The following BCL11B variants were observed in gnomAD, a reference collection of about 807,000 sequenced individuals.
BCL11B encodes the protein B-cell lymphoma/leukemia 11B.
BCL11B carries 8 observed loss-of-function variants against 49.9 expected under a neutral mutation model. The observed-to-expected ratio is 0.16, with a 90% CI of 0.09 to 0.29. The LOEUF (loss-of-function observed/expected upper bound fraction) is 0.29, where lower values mean the gene tolerates loss of function less well. Ranked by LOEUF, BCL11B falls within the 10% of genes least tolerant of loss-of-function variation. The pLI is 1.00. For missense variants in BCL11B, 1,006 were observed against 1,351.0 expected, an observed-to-expected ratio of 0.74 and a Z score of 4.00; for synonymous variants, 739 against 637.4, an observed-to-expected ratio of 1.16 and a Z score of -2.40.
rs1465585736 is a variant in BCL11B at position 99,195,846 on chromosome 14, G to A, written c.641-19651C>T. On this transcript the variant is annotated intron_variant, in intron 3 of 3. Coordinates refer to ENST00000357195, the MANE Select transcript of BCL11B (RefSeq NM_138576.4). This position sits in a 1 kb window ranked among gnomAD's most constrained non-coding sequence, Gnocchi z 4.7. ...ACACCTGCTAGACTGAGCTGACACA[G>A]CCCTCCTGCCTGCTGCCCAGAAGAG... Among the ~76,000 whole-genome samples the A allele has an allele frequency of 6.6e-6, 1 of 152,138 alleles. No homozygotes were observed. The highest frequency in any genetic ancestry group is 2.4e-5 in the African/African-American group (1 of 41,436).
chr14:99,176,226 A>C (rs1044044248), intron 3 of BCL11B, 31 bp from the exon 4 acceptor site: 1 of 1,598,954 alleles, frequency 6.3e-7, no homozygotes, highest in Admixed American at 1.7e-5. Context: ...AAAGGCAGAG[A>C]CAGCGTGAGA....
chr14:99,175,898 G>A lies in BCL11B; in HGVS notation c.938C>T (p.Thr313Met), dbSNP rs768709705. 3 of 1,456,230 alleles carry A rather than the reference G, an allele frequency of 2.1e-6. No individual in the cohort carries two copies. The highest frequency in any genetic ancestry group is 1.5e-5 in the African/African-American group (1 of 67,128). The allele number at this position is 1,456,230 out of a possible 1,614,324, so 90.2% of individuals were successfully genotyped here. A position where few individuals can be genotyped will look rare whatever the true frequency, so the allele number is the denominator to read the frequency against. ...CGGCGGGGGACTGAAGAGAGGCGGC[G>A]TGCCCGGCAGGCGGCCCTCGCCGAA... Reference protein sequence around the residue: ...PGFGEGRLPGTPPLFSPPPRH... With the variant: ...PGFGEGRLPGMPPLFSPPPRH... The change falls in exon 4 of 4, where the codon ACG (threonine) becomes ATG (methionine). Residue 313 changes from threonine (T) to methionine (M), a missense_variant. Coordinates refer to ENST00000357195, the MANE Select transcript of BCL11B (RefSeq NM_138576.4).
At chr14:99,199,687 C>CGCGCGCGT in intron 3 of BCL11B, among the ~76,000 whole-genome samples, 1 of 58,890 alleles carries the variant, frequency 1.7e-5, no homozygotes, top group African/African-American at 4.6e-5. Context: ...TGTGTGTGCG[C>CGCGCGCGT]GCGCGCGCGC....
intron 3 of BCL11B, among the ~76,000 whole-genome samples, chr14:99,203,869 T>C (rs1887456835): frequency 6.6e-6 from 1 of 151,990 alleles, no homozygotes; most frequent in East Asian, 1.9e-4. Context: ...CACCTCCCTC[T>C]CGTGGCCTAG....
chr14:99,190,734 T>C (rs928512771), intron 3 of BCL11B, among the ~76,000 whole-genome samples: 1 of 152,342 alleles, frequency 6.6e-6, no homozygotes, highest in Admixed American at 6.5e-5. Context: ...ATCAGTAAGC[T>C]AATTCTAGAA....
chr14:99,220,564 G>A (rs1887977670), intron 3 of BCL11B, among the ~76,000 whole-genome samples: 1 of 152,210 alleles, frequency 6.6e-6, no homozygotes, highest in African/African-American at 2.4e-5. Context: ...AACGGAGAAT[G>A]GGGGGCTGGG....
At position 99,231,933 on chromosome 14, in the gene BCL11B, GT is replaced by G. The variant is rs1465133229; in HGVS notation, c.428-377del. On this transcript the variant is annotated intron_variant, in intron 2 of 3. Transcript: ENST00000357195. The surrounding 1 kb of genome is among the most constrained non-coding windows in gnomAD (Gnocchi z 8.1). ...TCAAATAGGTTCCATTTGGGGATTT[GT>G]TTCCAAAACTTCGGGCTACCCCTCC... Among the ~76,000 whole-genome samples the G allele has an allele frequency of 6.6e-5, 10 of 152,042 alleles. No individual in the cohort carries two copies. Among genetic ancestry groups the G allele is most frequent in the Admixed American group, 6.5e-4 (10 of 15,290 alleles).
rs570939892 is a variant in BCL11B at position 99,248,603 on chromosome 14, C to G, written c.427+8868G>C. Among the ~76,000 whole-genome samples the G allele has an allele frequency of 5.3e-5, 8 of 152,350 alleles. No individual in the cohort carries two copies. Among genetic ancestry groups the G allele is most frequent in the Admixed American group, 5.2e-4 (8 of 15,310 alleles). On this transcript the variant is annotated intron_variant, in intron 2 of 3. Coordinates refer to ENST00000357195, the MANE Select transcript of BCL11B (RefSeq NM_138576.4). This position sits in a 1 kb window ranked among gnomAD's most constrained non-coding sequence, Gnocchi z 4.7. Reference sequence around the variant, plus strand: ...TACCTCACGGTGAGTGGACCAAATTCTCCCATAAGGATCTTCACAGCCTGG... The same window carrying G: ...TACCTCACGGTGAGTGGACCAAATTGTCCCATAAGGATCTTCACAGCCTGG...
chr14:99,171,862 A>G lies in BCL11B; in HGVS notation c.*2289T>C, dbSNP rs983126551. 4.9e-6 allele frequency: 1 copy of G among 204,434 alleles called. No individual in the cohort carries two copies. Among genetic ancestry groups the G allele is most frequent in the Non-Finnish European group, 1.0e-5 (1 of 99,752 alleles). The allele number at this position is 204,434 out of a possible 1,614,324, so 12.7% of individuals were successfully genotyped here. ...ACATTTTCAAGGAAAAGAAAAGGGT[A>G]TTTTTTTTCTTGTTTTGTAAAATGC... On this transcript the variant is annotated 3_prime_UTR_variant, in exon 4 of 4. Coordinates refer to ENST00000357195, the MANE Select transcript of BCL11B (RefSeq NM_138576.4).
intron 3 of BCL11B, among the ~76,000 whole-genome samples, chr14:99,220,829 G>C (rs2139865203): frequency 6.6e-6 from 1 of 152,210 alleles, no homozygotes; most frequent in South Asian, 2.1e-4. Context: ...GTGGACCCTT[G>C]ATCAATGGTA....
chr14:99,260,484 G>A (rs1223874001), intron 1 of BCL11B, among the ~76,000 whole-genome samples: 1 of 152,022 alleles, frequency 6.6e-6, no homozygotes, highest in African/African-American at 2.4e-5. Context: ...TCTCTGCTAG[G>A]AGGTTTTCAA....
intron 3 of BCL11B, among the ~76,000 whole-genome samples, chr14:99,199,691 C>T (rs1173591950): frequency 1.1e-3 from 68 of 61,842 alleles, no homozygotes; most frequent in Non-Finnish European, 1.4e-3. Flanking sequence ...TGTGCGCGCG[C>T]GCGCGCACGT....
rs1459432191 is a variant in BCL11B at position 99,175,685 on chromosome 14, C to T, written c.1151G>A (p.Arg384His). ...CAGGAGCCGGTGCATAGGGTTGCCG[C>T]GGCCCGGGGACACGGGCGGCGGCGT... is the stretch of plus-strand genomic sequence containing the variant. ...SSTPPPVSPGRGNPMHRLLNP... is the reference protein window; with the variant it reads ...SSTPPPVSPGHGNPMHRLLNP... The change falls in exon 4 of 4, where the codon CGC becomes CAC. Residue 384 changes from arginine to histidine, a missense_variant. By Grantham distance (29) the Arg-to-His change is conservative. Around this residue, in one of 6 missense-constraint regions of BCL11B, gnomAD observed 97 missense variants for 81.5 expected, o/e 1.19. Coordinates refer to ENST00000357195, the MANE Select transcript of BCL11B (RefSeq NM_138576.4). 2.0e-6 allele frequency: 3 copies of T among 1,529,662 alleles called. No homozygotes were observed. The highest frequency in any genetic ancestry group is 1.7e-6 in the Non-Finnish European group (2 of 1,152,232). 94.8% of individuals were successfully genotyped at this position (1,529,662 alleles called of 1,614,324 possible).
At chr14:99,198,994 G>A (rs1257432) in intron 3 of BCL11B, among the ~76,000 whole-genome samples, 118,628 of 152,034 alleles carry the variant, frequency 0.78, 46,780 homozygotes, top group African/African-American at 0.85. Flanking sequence ...GGCGAGGGAC[G>A]CTTTGCGCGG....
intron 3 of BCL11B, among the ~76,000 whole-genome samples, chr14:99,220,170 T>C (rs143571952): frequency 2.3e-3 from 350 of 152,328 alleles, no homozygotes; most frequent in African/African-American, 8.0e-3. Flanking sequence ...GTAGCCACTA[T>C]AGAAAACGGT....
At chr14:99,220,224 G>A (rs967790054) in intron 3 of BCL11B, among the ~76,000 whole-genome samples, 4 of 152,126 alleles carry the variant, frequency 2.6e-5, no homozygotes, top group Non-Finnish European at 4.4e-5. Context: ...ACCCTTTGAC[G>A]CAGAAACTCC....
rs2139747089 is a variant in BCL11B, at chr14:99,172,372, A to G, written c.*1779T>C. Reference sequence around the variant, plus strand: ...TCTTCATTTGATTGGGTCTTATGGCATTTCATATCCTCTATCTTCAACCAG... The same window carrying G: ...TCTTCATTTGATTGGGTCTTATGGCGTTTCATATCCTCTATCTTCAACCAG... On this transcript the variant is annotated 3_prime_UTR_variant, in exon 4 of 4. Coordinates refer to ENST00000357195, the MANE Select transcript of BCL11B (RefSeq NM_138576.4). The G allele has an allele frequency of 4.5e-6, 1 of 221,512 alleles. No individual in the cohort carries two copies. Among genetic ancestry groups the G allele is most frequent in the Admixed American group, 5.8e-5 (1 of 17,374 alleles). The allele number at this position is 221,512 out of a possible 1,614,324, so 13.7% of individuals were successfully genotyped here. A position where few individuals can be genotyped will look rare whatever the true frequency, so the allele number is the denominator to read the frequency against.
chr14:99,263,436 G>A lies in BCL11B; in HGVS notation c.59-5597C>T, dbSNP rs556863944. On this transcript the variant is annotated intron_variant, in intron 1 of 3. Transcript: ENST00000357195. Reference sequence around the variant, plus strand: ...AAATGACCAGGGTCCCGCTGACTCCGCCAGCAGCGGAAACTTTGGGCCTGG... The same window carrying A: ...AAATGACCAGGGTCCCGCTGACTCCACCAGCAGCGGAAACTTTGGGCCTGG... Among the ~76,000 whole-genome samples, 11 of 152,288 alleles carry A rather than the reference G, an allele frequency of 7.2e-5. No individual in the cohort carries two copies. The East Asian group carries it at 1.5e-3, about 21-fold the overall frequency.
In BCL11B at chr14:99,241,364, G is replaced by T. The variant is rs1051160923; in HGVS notation, c.428-9807C>A. Reference sequence around the variant, plus strand: ...CATAGTGTAGCCAGGATCCCAACGAGCTCCAATTCCAGATCGGGGCGAGAA... The same window carrying T: ...CATAGTGTAGCCAGGATCCCAACGATCTCCAATTCCAGATCGGGGCGAGAA... On this transcript the variant is annotated intron_variant, in intron 2 of 3. Coordinates refer to ENST00000357195, the MANE Select transcript of BCL11B (RefSeq NM_138576.4). The surrounding 1 kb of genome is among the most constrained non-coding windows in gnomAD (Gnocchi z 4.4). 1.3e-5 allele frequency among the ~76,000 whole-genome samples: 2 copies of T among 151,880 alleles called. No homozygotes were observed. The highest frequency in any genetic ancestry group is 4.8e-5 in the African/African-American group (2 of 41,316).
Sources: allele counts gnomAD v4.1 joint callset (sites outside exome capture counted in the v4.1 genomes callset), GRCh38; gene constraint gnomAD v4.1.1; regional missense constraint gnomAD v4.1.1; non-coding constraint Gnocchi (gnomAD v3.1); transcripts MANE v1.5; gene names NCBI Gene and HGNC (gene_info 2026-07-23, HGNC 2026-07-21).